Variants in FRAS1 observed in about 807,000 individuals in gnomAD.
FRAS1 encodes the protein Fraser extracellular matrix complex subunit 1.
FRAS1 carries 290 observed loss-of-function variants against 435.2 expected under a neutral mutation model. That is an observed-to-expected ratio of 0.67 (90% CI 0.61 to 0.73). The LOEUF (loss-of-function observed/expected upper bound fraction) is 0.73. Among genes scored for constraint, FRAS1 ranks in the 30% least tolerant of loss-of-function variants. The pLI is 0.00. For synonymous variants in FRAS1, 1,800 were observed against 1,851.0 expected (o/e 0.97, Z 0.71); for missense variants, 4,860 against 5,001.5 (o/e 0.97, Z 0.85).
intron 18 of FRAS1, 148 bp from the exon 19 acceptor site, chr4:78,333,124 T>C: frequency 6.4e-6 from 5 of 782,158 alleles, no homozygotes; most frequent in Non-Finnish European, 9.4e-6. Flanking sequence ...TAGAGGGAAG[T>C]GTGTGAGATG....
rs190620197 is a variant in FRAS1, at chr4:78,338,552, G to C, written c.2422+735G>C. On this transcript the variant is annotated intron_variant, in intron 20 of 73. Coordinates refer to ENST00000512123, the MANE Select transcript of FRAS1 (RefSeq NM_025074.7). Reference sequence around the variant, plus strand: ...TTCTTGATCCACTTTTTCAAACTCTGGGAAAAACTTGCAGAGCTTCTCCTT... The same window carrying C: ...TTCTTGATCCACTTTTTCAAACTCTCGGAAAAACTTGCAGAGCTTCTCCTT... Among the ~76,000 whole-genome samples the C allele has an allele frequency of 3.3e-5, 5 of 152,258 alleles. No homozygotes were observed. The East Asian group carries it at 7.7e-4, about 23-fold the overall frequency.
chr4:78,481,921 C>T lies in FRAS1; in HGVS notation c.8561C>T (p.Pro2854Leu). 1 of 1,613,862 alleles carries T rather than the reference C, an allele frequency of 6.2e-7. No individual in the cohort carries two copies. ...ASATPGVDYV[P>L]SSRKVEFGPG... ...GCCACACCAGGAGTTGACTACGTTC[C>T]CAGCTCTCGGAAGGTGGAATTTGGG... The change falls in exon 57 of 74, where the codon CCC becomes CTC. Residue 2854 changes from proline to leucine, a missense_variant. Coordinates refer to ENST00000512123, the MANE Select transcript of FRAS1 (RefSeq NM_025074.7).
intron 2 of FRAS1, among the ~76,000 whole-genome samples, chr4:78,236,445 T>G (rs1373463539): frequency 6.6e-6 from 1 of 152,170 alleles, no homozygotes; most frequent in African/African-American, 2.4e-5. Flanking sequence ...GTGTACACTT[T>G]TAAACCAGAG....
At chr4:78,163,905 G>C (rs893210668) in intron 2 of FRAS1, among the ~76,000 whole-genome samples, 5 of 152,202 alleles carry the variant, frequency 3.3e-5, no homozygotes, top group African/African-American at 1.2e-4. Flanking sequence ...GTTGGGCATG[G>C]CCACATCTGA....
chr4:78,298,719 G>A (rs1177179489), intron 14 of FRAS1, among the ~76,000 whole-genome samples: 1 of 152,168 alleles, frequency 6.6e-6, no homozygotes, highest in African/African-American at 2.4e-5. Context: ...GTAACTGAAA[G>A]GATGAATTCC....
chr4:78,384,521 A>C (rs1732142128), intron 28 of FRAS1, among the ~76,000 whole-genome samples: 1 of 152,206 alleles, frequency 6.6e-6, no homozygotes, highest in Non-Finnish European at 1.5e-5. Flanking sequence ...TGTGCCCAGT[A>C]AATCTGGCTA....
At chr4:78,164,509 A>G (rs1721261235) in intron 2 of FRAS1, among the ~76,000 whole-genome samples, 1 of 152,166 alleles carries the variant, frequency 6.6e-6, no homozygotes, top group East Asian at 1.9e-4. Context: ...TAAATTTAGT[A>G]CTTATATAAA....
chr4:78,472,033 T>C (rs1719723975), intron 51 of FRAS1, 147 bp from the exon 52 acceptor site: 6 of 797,758 alleles, frequency 7.5e-6, no homozygotes, highest in Non-Finnish European at 1.2e-5. Context: ...GTTTTCATCC[T>C]CATAGCCTCT....
At chr4:78,186,098 C>T (rs949769916) in intron 2 of FRAS1, among the ~76,000 whole-genome samples, 1 of 152,162 alleles carries the variant, frequency 6.6e-6, no homozygotes. Flanking sequence ...TTTCAACATA[C>T]ATAGGTCAGG....
chr4:78,189,312 G>A (rs1339887480), intron 2 of FRAS1, among the ~76,000 whole-genome samples: 1 of 152,216 alleles, frequency 6.6e-6, no homozygotes, highest in Non-Finnish European at 1.5e-5. Flanking sequence ...AATGGACGAG[G>A]TAGTGCATCC....
In FRAS1 at chr4:78,482,408, G is replaced by C; in HGVS notation, c.8625G>C (p.Leu2875Phe). The change falls in exon 58 of 74, where the codon TTG (leucine) becomes TTC (phenylalanine). Residue 2875 changes from leucine (L) to phenylalanine (F), a missense_variant. Transcript: ENST00000512123. Reference sequence around the variant, plus strand: ...TCTAGTATTGCACCTTGACTATCTTGGATGACACTCAGTATCCGGTAATTG... The same window carrying C: ...TCTAGTATTGCACCTTGACTATCTTCGATGACACTCAGTATCCGGTAATTG... ...VIEQYCTLTI[L>F]DDTQYPVIEG... is the part of the protein sequence containing the mutation. 6.2e-7 allele frequency: 1 copy of C among 1,613,832 alleles called. No homozygotes were observed. The highest frequency in any genetic ancestry group is 1.1e-5 in the South Asian group (1 of 91,080).
chr4:78,304,840 G>GT (rs1728619477), intron 14 of FRAS1, among the ~76,000 whole-genome samples: 1 of 151,610 alleles, frequency 6.6e-6, no homozygotes, highest in Non-Finnish European at 1.5e-5. Context: ...TTTTTGAAGG[G>GT]TTTTTTGTGT....
At chr4:78,157,925 G>A (rs1487145679) in intron 2 of FRAS1, among the ~76,000 whole-genome samples, 1 of 152,116 alleles carries the variant, frequency 6.6e-6, no homozygotes, top group Non-Finnish European at 1.5e-5. Context: ...TACTGAATGG[G>A]AAATCCTTAC....
intron 71 of FRAS1, 42 bp downstream of exon 71, chr4:78,534,657 A>G (rs1721825980): frequency 6.3e-7 from 1 of 1,590,378 alleles, no homozygotes; most frequent in Non-Finnish European, 8.6e-7. Context: ...CTCTGCCTGG[A>G]TATGAGAAGC....
chr4:78,188,114 C>T (rs1156854781), intron 2 of FRAS1, among the ~76,000 whole-genome samples: 2 of 152,110 alleles, frequency 1.3e-5, no homozygotes, highest in African/African-American at 2.4e-5. Flanking sequence ...AACAGTTATC[C>T]TTCCTTTGCC....
At position 78,255,262 on chromosome 4, in the gene FRAS1, C is replaced by T. The variant is rs1438039275; in HGVS notation, c.490C>T (p.His164Tyr). Reference sequence around the variant, plus strand: ...TCCAGAACCCTGTTCCTATGAAGGCCATGTGTTTCAGGATGGGGAGGACTG... The same window carrying T: ...TCCAGAACCCTGTTCCTATGAAGGCTATGTGTTTCAGGATGGGGAGGACTG... ...GLGKPCSYEG[H>Y]VFQDGEDWRL... Residue 164 changes from histidine (H) to tyrosine (Y), a missense_variant, in exon 6 of 74, where the codon CAT (histidine) becomes TAT (tyrosine). Physicochemically the swap from His to Tyr is moderately conservative, Grantham distance 83 (BLOSUM62 2). Coordinates refer to ENST00000512123, the MANE Select transcript of FRAS1 (RefSeq NM_025074.7). 10 of 1,552,876 alleles carry T rather than the reference C, an allele frequency of 6.4e-6. No homozygotes were observed. The highest frequency in any genetic ancestry group is 8.7e-6 in the Non-Finnish European group (10 of 1,147,466).
chr4:78,062,841 C>T (rs1346274164), intron 1 of FRAS1, among the ~76,000 whole-genome samples: 2 of 152,206 alleles, frequency 1.3e-5, no homozygotes, highest in Non-Finnish European at 2.9e-5. Context: ...TTACTTCACC[C>T]TGCAAAACTT....
intron 59 of FRAS1, among the ~76,000 whole-genome samples, chr4:78,495,105 T>C (rs1431188184): frequency 1.3e-5 from 2 of 152,198 alleles, no homozygotes; most frequent in Non-Finnish European, 2.9e-5. Flanking sequence ...TGCTAGCTTA[T>C]TGGGTTTCCA....
At chr4:78,354,230 C>T (rs1169319849) in intron 20 of FRAS1, among the ~76,000 whole-genome samples, 1 of 152,170 alleles carries the variant, frequency 6.6e-6, no homozygotes, top group Non-Finnish European at 1.5e-5. Context: ...AGTTTGTCTA[C>T]ACTGGGTAGA....
Sources: gnomAD v4.1 joint callset for allele counts (sites outside exome capture counted in the v4.1 genomes callset) on GRCh38, gnomAD v4.1.1 for gene constraint, MANE v1.5 for transcripts, NCBI Gene and HGNC (gene_info 2026-07-23, HGNC 2026-07-21) for gene names.